C1orf21: variants seen among roughly 807,000 people sequenced by gnomAD.
The protein encoded by C1orf21 is uncharacterized protein C1orf21.
A neutral mutation model predicts 18.7 loss-of-function variants in C1orf21; 3 were observed. That is an observed-to-expected ratio of 0.16 (90% CI 0.07 to 0.42). C1orf21 has a LOEUF of 0.42. Among genes scored for constraint, C1orf21 ranks in the 10% least tolerant of loss-of-function variants. C1orf21 has a pLI of 0.99. For missense variants in C1orf21, 104 were observed against 143.6 expected, an observed-to-expected ratio of 0.72 and a Z score of 1.41; for synonymous variants, 41 against 46.4, an observed-to-expected ratio of 0.88 and a Z score of 0.47.
chr1:184,555,248 C>T (rs78129479), intron 3 of C1orf21, among the ~76,000 whole-genome samples: 1,592 of 152,290 alleles, frequency 0.01, 22 homozygotes, highest in Non-Finnish European at 0.013. Flanking sequence ...TGGAACCAGA[C>T]ATCTCCCCTC....
At chr1:184,442,724 TAAAGCTC>T (rs1356404121) in intron 1 of C1orf21, among the ~76,000 whole-genome samples, 2 of 152,216 alleles carry the variant, frequency 1.3e-5, no homozygotes, top group East Asian at 3.9e-4. Context: ...TTGCTAGGAC[TAAAGCTC>T]TTGTTCTTCT....
At chr1:184,530,478 T>C (rs1414295086) in intron 3 of C1orf21, among the ~76,000 whole-genome samples, 1 of 152,184 alleles carries the variant, frequency 6.6e-6, no homozygotes, top group Admixed American at 6.5e-5. Context: ...TTGGACCAAA[T>C]AACTTTACTC....
chr1:184,552,243 A>G (rs952972735), intron 3 of C1orf21, among the ~76,000 whole-genome samples: 5 of 152,248 alleles, frequency 3.3e-5, no homozygotes, highest in African/African-American at 1.2e-4. Context: ...GGCAAAGGAT[A>G]GGAATAGATA....
intron 1 of C1orf21, among the ~76,000 whole-genome samples, chr1:184,451,842 TG>T (rs1277118250): frequency 6.6e-6 from 1 of 152,230 alleles, no homozygotes; most frequent in Non-Finnish European, 1.5e-5. Context: ...TACAAGCATC[TG>T]AAAGCTCAAG....
intron 3 of C1orf21, among the ~76,000 whole-genome samples, chr1:184,537,617 A>G (rs1658578056): frequency 1.3e-5 from 2 of 152,116 alleles, no homozygotes; most frequent in South Asian, 4.1e-4. Context: ...TGGGTGTACA[A>G]GTATCTCTTC....
chr1:184,539,739 G>C (rs1484285351), intron 3 of C1orf21, among the ~76,000 whole-genome samples: 2 of 152,050 alleles, frequency 1.3e-5, no homozygotes, highest in Non-Finnish European at 2.9e-5. Context: ...CCTCCCTCTG[G>C]GTCCATGGGC....
Position 184,622,145 on chromosome 1 carries a change from A to G in C1orf21, c.*2589A>G, listed in dbSNP as rs1006302528. The stretch of plus-strand genomic sequence containing the variant: ...TAAGCAGATTGGCTCAGACACAATG[A>G]AAAGGATAATCCAATGTACGTGCTG... On this transcript the variant is annotated 3_prime_UTR_variant, in exon 6 of 6. Coordinates refer to ENST00000235307, the MANE Select transcript of C1orf21 (RefSeq NM_030806.4). 3 of 152,244 alleles carry G rather than the reference A, an allele frequency of 2.0e-5. No homozygotes were observed. Among genetic ancestry groups the G allele is most frequent in the African/African-American group, 7.2e-5 (3 of 41,456 alleles). The allele number at this position is 152,244 out of a possible 1,614,324, so 9.4% of individuals were successfully genotyped here.
chr1:184,566,274 T>A (rs1475979889), intron 3 of C1orf21, among the ~76,000 whole-genome samples: 1 of 152,154 alleles, frequency 6.6e-6, no homozygotes, highest in Non-Finnish European at 1.5e-5. Context: ...AAATGACTCT[T>A]TCCCCGCCAC....
At chr1:184,523,400 G>A (rs560695302) in intron 3 of C1orf21, among the ~76,000 whole-genome samples, 4 of 152,222 alleles carry the variant, frequency 2.6e-5, no homozygotes, top group Middle Eastern at 3.4e-3. Context: ...AGAAAAATGT[G>A]CTTCAATTGA....
intron 3 of C1orf21, among the ~76,000 whole-genome samples, chr1:184,531,589 C>T (rs538914400): frequency 6.6e-6 from 1 of 152,206 alleles, no homozygotes; most frequent in South Asian, 2.1e-4. Context: ...GCTATAATTG[C>T]TTATAAAATC....
intron 1 of C1orf21, among the ~76,000 whole-genome samples, chr1:184,391,013 C>G (rs181046264): frequency 1.4e-3 from 207 of 152,156 alleles, no homozygotes; most frequent in African/African-American, 4.7e-3. Flanking sequence ...GATCATAATT[C>G]AAGAGCTTAT....
chr1:184,428,750 C>T (rs898595727), intron 1 of C1orf21, among the ~76,000 whole-genome samples: 42 of 152,144 alleles, frequency 2.8e-4, no homozygotes, highest in African/African-American at 9.7e-4. Flanking sequence ...CTGTGGCACA[C>T]TGGCCTGTGC....
chr1:184,463,209 A>T (rs1018921798), intron 1 of C1orf21, among the ~76,000 whole-genome samples: 3 of 152,120 alleles, frequency 2.0e-5, no homozygotes, highest in African/African-American at 7.2e-5. Flanking sequence ...ATAAAAGTCA[A>T]CTGATGCAGT....
rs866658072 is a variant in C1orf21, at chr1:184,619,897, A to G, written c.*341A>G. The G allele has an allele frequency of 1.3e-5, 3 of 222,814 alleles. No individual in the cohort carries two copies. Among genetic ancestry groups the G allele is most frequent in the South Asian group, 8.0e-5 (1 of 12,500 alleles). The allele number at this position is 222,814 out of a possible 1,614,324, so 13.8% of individuals were successfully genotyped here. A position where few individuals can be genotyped will look rare whatever the true frequency, so the allele number is the denominator to read the frequency against. On this transcript the variant is annotated 3_prime_UTR_variant, in exon 6 of 6. Transcript: ENST00000235307. The stretch of plus-strand genomic sequence containing the variant: ...ACAGATGCTCTCCAACCTATTTTCT[A>G]TAAGATGAGGTAGTGGTGAACTCAG...
At chr1:184,396,188 C>T (rs1656048037) in intron 1 of C1orf21, among the ~76,000 whole-genome samples, 1 of 151,938 alleles carries the variant, frequency 6.6e-6, no homozygotes, top group South Asian at 2.1e-4. Context: ...GACTTTTTGC[C>T]CACAATATAA....
At chr1:184,403,145 C>G (rs1156433862) in intron 1 of C1orf21, among the ~76,000 whole-genome samples, 1 of 152,134 alleles carries the variant, frequency 6.6e-6, no homozygotes, top group Non-Finnish European at 1.5e-5. Flanking sequence ...TTAACATGTA[C>G]AAGAATGCAC....
intron 3 of C1orf21, among the ~76,000 whole-genome samples, chr1:184,558,365 T>G (rs1658908319): frequency 6.6e-6 from 1 of 152,224 alleles, no homozygotes; most frequent in Admixed American, 6.5e-5. Flanking sequence ...TCAGAACATT[T>G]GATCTTGACA....
At chr1:184,610,622 G>A (rs1483080306) in intron 5 of C1orf21, among the ~76,000 whole-genome samples, 1 of 152,088 alleles carries the variant, frequency 6.6e-6, no homozygotes, top group Non-Finnish European at 1.5e-5. Flanking sequence ...CGAGGCAGGC[G>A]GATCACGAGG....
chr1:184,452,932 G>A (rs1413369604), intron 1 of C1orf21, among the ~76,000 whole-genome samples: 1 of 152,002 alleles, frequency 6.6e-6, no homozygotes, highest in Non-Finnish European at 1.5e-5. Context: ...AGTTGTCCCT[G>A]GTATCATGAG....
Sources: gnomAD v4.1 joint callset for allele counts (sites outside exome capture counted in the v4.1 genomes callset) on GRCh38, gnomAD v4.1.1 for gene constraint, MANE v1.5 for transcripts, NCBI Gene and HGNC (gene_info 2026-07-23, HGNC 2026-07-21) for gene names.